The following KIAA1328 variants were observed in gnomAD, a reference collection of about 807,000 sequenced individuals.
KIAA1328 encodes protein hinderin.
In KIAA1328, 52 loss-of-function variants were observed where a neutral mutation model predicts 68.1. That is an observed-to-expected ratio of 0.76 (90% confidence interval 0.61 to 0.96). KIAA1328 has a LOEUF of 0.96. Among genes scored for constraint, KIAA1328 ranks in the 40% least tolerant of loss-of-function variants. The probability of loss-of-function intolerance (pLI) is 0.00; values close to 1 mark genes in which losing one functional copy is unlikely to be tolerated. For missense variants in KIAA1328, 641 were observed against 677.6 expected, an observed-to-expected ratio of 0.95 and a Z score of 0.60; for synonymous variants, 232 against 239.4, an observed-to-expected ratio of 0.97 and a Z score of 0.28.
At chr18:37,032,257 C>T (rs1023822298) in intron 6 of KIAA1328, among the ~76,000 whole-genome samples, 1 of 152,174 alleles carries the variant, frequency 6.6e-6, no homozygotes, top group Non-Finnish European at 1.5e-5. Context: ...TAAAAGAATG[C>T]TTCCATTTCC....
intron 4 of KIAA1328, among the ~76,000 whole-genome samples, chr18:36,875,777 C>T (rs2048101398): frequency 6.6e-6 from 1 of 152,160 alleles, no homozygotes; most frequent in African/African-American, 2.4e-5. Flanking sequence ...CAGCTTTTCC[C>T]CAATCAGTAT....
At chr18:37,033,486 T>C (rs2054911340) in intron 6 of KIAA1328, among the ~76,000 whole-genome samples, 1 of 152,238 alleles carries the variant, frequency 6.6e-6, no homozygotes, top group Non-Finnish European at 1.5e-5. Context: ...TAACAACTGC[T>C]TAGCTCTTTC....
chr18:37,163,428 A>G (rs567881467), intron 8 of KIAA1328, among the ~76,000 whole-genome samples: 112 of 152,160 alleles, frequency 7.4e-4, no homozygotes, highest in Non-Finnish European at 1.1e-3. Context: ...GGCTGAACCT[A>G]GGGTAATTTT....
chr18:37,075,503 G>A (rs1356228767), intron 7 of KIAA1328: 1 of 152,102 alleles, frequency 6.6e-6, no homozygotes, highest in Non-Finnish European at 1.5e-5. Flanking sequence ...AAATGTAAAT[G>A]GACTAAATGC....
chr18:36,889,098 T>C (rs2048595785), intron 5 of KIAA1328, among the ~76,000 whole-genome samples: 1 of 152,188 alleles, frequency 6.6e-6, no homozygotes, highest in African/African-American at 2.4e-5. Context: ...AAGGGTTTCT[T>C]CTTGTAGAAA....
intron 6 of KIAA1328, among the ~76,000 whole-genome samples, chr18:36,982,510 A>C (rs896803176): frequency 1.3e-5 from 2 of 151,986 alleles, no homozygotes; most frequent in African/African-American, 4.8e-5. Context: ...ACTTTTAAAA[A>C]AATGTCAACA....
intron 6 of KIAA1328, among the ~76,000 whole-genome samples, chr18:36,971,600 C>T (rs912058358): frequency 6.6e-6 from 1 of 151,956 alleles, no homozygotes; most frequent in African/African-American, 2.4e-5. Context: ...TTGCACTCCA[C>T]CCTGGACGAC....
At chr18:36,963,946 A>G (rs917741923) in intron 6 of KIAA1328, among the ~76,000 whole-genome samples, 3 of 152,198 alleles carry the variant, frequency 2.0e-5, no homozygotes, top group African/African-American at 7.2e-5. Flanking sequence ...TACATACTAC[A>G]TGTTAATACA....
intron 5 of KIAA1328, among the ~76,000 whole-genome samples, chr18:36,949,595 G>GCCCCCCCCC (rs1241515530): frequency 2.6e-5 from 1 of 38,974 alleles, no homozygotes; most frequent in Non-Finnish European, 4.9e-5. Flanking sequence ...TTTCTACCCA[G>GCCCCCCCCC]CTCCCCCCCC....
intron 6 of KIAA1328, among the ~76,000 whole-genome samples, chr18:36,998,373 A>T (rs1177817976): frequency 6.6e-6 from 1 of 152,152 alleles, no homozygotes; most frequent in Non-Finnish European, 1.5e-5. Context: ...GGAACCACAG[A>T]ATTGTCTTGC....
intron 6 of KIAA1328, among the ~76,000 whole-genome samples, chr18:36,989,780 C>T (rs879552965): frequency 6.6e-6 from 1 of 152,034 alleles, no homozygotes; most frequent in African/African-American, 2.4e-5. Flanking sequence ...CTTCAAGCTC[C>T]GCCCCCCGGG....
intron 9 of KIAA1328, among the ~76,000 whole-genome samples, chr18:37,203,949 A>G (rs534657444): frequency 6.6e-6 from 1 of 152,196 alleles, no homozygotes; most frequent in South Asian, 2.1e-4. Context: ...AGCTGGGACT[A>G]CAGGCGCCCG....
In KIAA1328 at chr18:36,884,985, C is replaced by G. The variant is rs373902744; in HGVS notation, c.333-572C>G. Among the ~76,000 whole-genome samples, 903 of 151,484 alleles carry G rather than the reference C, an allele frequency of 6.0e-3. 9 individuals carry two copies. The highest frequency in any genetic ancestry group is 0.011 in the Non-Finnish European group (719 of 67,870). Reference sequence around the variant, plus strand: ...TTAACTTTATAATTTTTTTTTTGGACTAAGAATACATGTACTGCAAACCTT... The same window carrying G: ...TTAACTTTATAATTTTTTTTTTGGAGTAAGAATACATGTACTGCAAACCTT... On this transcript the variant is annotated intron_variant, in intron 4 of 9. Coordinates refer to ENST00000280020, the MANE Select transcript of KIAA1328 (RefSeq NM_020776.3).
At chr18:37,161,366 A>C (rs2059275639) in intron 8 of KIAA1328, among the ~76,000 whole-genome samples, 2 of 152,176 alleles carry the variant, frequency 1.3e-5, no homozygotes, top group African/African-American at 4.8e-5. Context: ...TTTGATTGTG[A>C]TTAATCTAGA....
At chr18:37,183,410 G>A (rs1430488760) in intron 9 of KIAA1328, among the ~76,000 whole-genome samples, 1 of 152,126 alleles carries the variant, frequency 6.6e-6, no homozygotes, top group African/African-American at 2.4e-5. Context: ...CCCCAGTGAT[G>A]TGTATTTTTG....
intron 7 of KIAA1328, among the ~76,000 whole-genome samples, chr18:37,123,171 A>T (rs1568436403): frequency 6.6e-6 from 1 of 152,316 alleles, no homozygotes; most frequent in South Asian, 2.1e-4. Flanking sequence ...ACTTGTTAGT[A>T]TACTAGAGAG....
intron 7 of KIAA1328, among the ~76,000 whole-genome samples, chr18:37,118,142 G>GCAC (rs1229271020): frequency 6.6e-6 from 1 of 151,730 alleles, no homozygotes; most frequent in East Asian, 1.9e-4. Context: ...ATACAGGTGT[G>GCAC]CACCACCACA....
chr18:36,973,380 G>A lies in KIAA1328; in HGVS notation c.576+13945G>A, dbSNP rs987050562. ...AGGAGGTATACCTAATGTAAATGAC[G>A]AGTTAACGGGTGCAGCACACAAATA... is the stretch of plus-strand genomic sequence containing the variant. On this transcript the variant is annotated intron_variant, in intron 6 of 9. Transcript: ENST00000280020. 6.6e-5 allele frequency among the ~76,000 whole-genome samples: 10 copies of A among 151,958 alleles called. No homozygotes were observed. The South Asian group carries it at 1.2e-3, about 19-fold the overall frequency.
intron 8 of KIAA1328, among the ~76,000 whole-genome samples, chr18:37,171,635 G>A (rs1472906145): frequency 6.6e-6 from 1 of 152,164 alleles, no homozygotes; most frequent in Non-Finnish European, 1.5e-5. Flanking sequence ...GTACTTGTTT[G>A]GGTTGAGGGT....
Sources: allele counts gnomAD v4.1 joint callset (sites outside exome capture counted in the v4.1 genomes callset), GRCh38; gene constraint gnomAD v4.1.1; transcripts MANE v1.5; gene names NCBI Gene and HGNC (gene_info 2026-07-23, HGNC 2026-07-21).